Variants in SLC2A11 observed in about 807,000 individuals in gnomAD.
SLC2A11 encodes solute carrier family 2 member 11.
SLC2A11 carries 43 observed loss-of-function variants against 52.1 expected under a neutral mutation model. The observed-to-expected ratio is 0.82, with a 90% CI of 0.65 to 1.06. The LOEUF (loss-of-function observed/expected upper bound fraction) is 1.06. Among genes scored for constraint, SLC2A11 ranks in the 50% least tolerant of loss-of-function variants. The probability of loss-of-function intolerance (pLI) is 0.00; values close to 1 mark genes in which losing one functional copy is unlikely to be tolerated. For missense variants in SLC2A11, 582 were observed against 654.2 expected (o/e 0.89, Z 1.20); for synonymous variants, 261 against 277.6 (o/e 0.94, Z 0.59).
intron 1 of SLC2A11, among the ~76,000 whole-genome samples, chr22:23,860,830 T>A (rs1404026714): frequency 7.0e-6 from 1 of 142,336 alleles, no homozygotes. Context: ...TACAGACGCC[T>A]GCCAACACGC....
At chr22:23,882,426 A>T in intron 6 of SLC2A11, 33 bp from the exon 7 acceptor site, 1 of 1,482,032 alleles carries the variant, frequency 6.7e-7, no homozygotes, top group Non-Finnish European at 8.9e-7. Context: ...GGGCTTGGGG[A>T]CGGGGAGCTC....
chr22:23,879,281 G>A (rs1422220875), intron 6 of SLC2A11, among the ~76,000 whole-genome samples: 1 of 152,028 alleles, frequency 6.6e-6, no homozygotes, highest in Admixed American at 6.6e-5. Context: ...TTTTGTTTGG[G>A]ACAGGGTCTC....
chr22:23,881,401 G>A (rs2032789093), intron 6 of SLC2A11: 1 of 152,164 alleles, frequency 6.6e-6, no homozygotes, highest in Admixed American at 6.5e-5. Context: ...GCCTCTTAAG[G>A]CTTAGGCTGG....
intron 2 of SLC2A11, among the ~76,000 whole-genome samples, chr22:23,864,142 G>A (rs1398328988): frequency 6.6e-6 from 1 of 152,106 alleles, no homozygotes; most frequent in Non-Finnish European, 1.5e-5. Context: ...ATCTGGGCCA[G>A]GTGATCACCT....
At chr22:23,869,706 T>A (rs2032389088) in intron 3 of SLC2A11, 1 of 350,938 alleles carries the variant, frequency 2.8e-6, no homozygotes, top group Non-Finnish European at 5.1e-6. Context: ...ACAAAATAAC[T>A]GAGACTGGAT....
At chr22:23,870,324 C>T in intron 3 of SLC2A11, 1 of 414,370 alleles carries the variant, frequency 2.4e-6, no homozygotes, top group South Asian at 3.2e-5. Context: ...GTCTGTTCCC[C>T]TCCCCAGGAC....
rs547859844 is a variant in SLC2A11, at chr22:23,874,508, A to G, written c.291-609A>G. On this transcript the variant is annotated intron_variant, in intron 3 of 11. Transcript: ENST00000316185. ...CTCTTGTTGCCCAGGCTGGAGTGCAATGGCGCAATCTTGGCTCACCACAAC... is the reference window on the plus strand; with the variant it reads ...CTCTTGTTGCCCAGGCTGGAGTGCAGTGGCGCAATCTTGGCTCACCACAAC... Among the ~76,000 whole-genome samples the G allele has an allele frequency of 1.1e-4, 17 of 151,146 alleles. No homozygotes were observed. In the East Asian group the frequency reaches 1.4e-3, roughly 12 times the overall value.
intron 4 of SLC2A11, 67 bp downstream of exon 4, chr22:23,875,308 T>C (rs1311284390): frequency 3.1e-6 from 4 of 1,307,440 alleles, no homozygotes; most frequent in Admixed American, 3.1e-5. Flanking sequence ...TTAATTCCTT[T>C]TATTTCATTT....
intron 3 of SLC2A11, chr22:23,870,878 G>C (rs2032430782): frequency 6.6e-6 from 1 of 151,614 alleles, no homozygotes; most frequent in South Asian, 2.1e-4. Flanking sequence ...TTTTAGTAGA[G>C]ATGGGGTTTC....
chr22:23,882,925 C>A, intron 8 of SLC2A11, 56 bp downstream of exon 8: 1 of 1,468,980 alleles, frequency 6.8e-7, no homozygotes, highest in Non-Finnish European at 9.4e-7. Flanking sequence ...ACCCCCAGGT[C>A]CTCTGCATTA....
At chr22:23,883,646 C>A (rs2032902807) in intron 8 of SLC2A11, 126 bp from the exon 9 acceptor site, 4 of 717,904 alleles carry the variant, frequency 5.6e-6, no homozygotes, top group Non-Finnish European at 8.8e-6. Flanking sequence ...TTAATAAAGT[C>A]ACACTGAAGC....
rs148609125 is a variant in SLC2A11 at position 23,862,624 on chromosome 22, A to ATT, written c.129+422_129+423insTT. Among the ~76,000 whole-genome samples the ATT allele has an allele frequency of 4.7e-4, 71 of 151,452 alleles. 1 individual carries two copies. In the South Asian group the frequency reaches 7.1e-3, roughly 15 times the overall value. ...TCTTCAAGTCACTCCCCTGCTCAGA[A>ATT]ATTTTTTTTTTTTTTCGAGATGGAG... On this transcript the variant is annotated intron_variant, in intron 2 of 11. Coordinates refer to ENST00000316185, the MANE Select transcript of SLC2A11 (RefSeq NM_001024939.4).
upstream of SLC2A11, chr22:23,857,834 G>A (rs960208884): frequency 3.6e-5 from 53 of 1,492,418 alleles, no homozygotes; most frequent in African/African-American, 7.1e-4. Context: ...CGTCTCGACG[G>A]GTTTGCTCCT....
At chr22:23,880,675 T>A (rs1267422411) in intron 6 of SLC2A11, 1 of 152,156 alleles carries the variant, frequency 6.6e-6, no homozygotes, top group Middle Eastern at 3.2e-3. Flanking sequence ...GTTACTTAAT[T>A]TGGGATTCTT....
intron 1 of SLC2A11, among the ~76,000 whole-genome samples, chr22:23,859,493 T>G (rs1437231691): frequency 4.8e-4 from 4 of 8,306 alleles, no homozygotes; most frequent in Admixed American, 1.5e-3. Flanking sequence ...ACATTCAGCA[T>G]TTTTTTTTTT....
In SLC2A11 at chr22:23,875,252, G is replaced by T. The variant is rs750866851; in HGVS notation, c.415+11G>T. 7.1e-7 allele frequency: 1 copy of T among 1,416,342 alleles called. No homozygotes were observed. The highest frequency in any genetic ancestry group is 1.7e-5 in the South Asian group (1 of 58,290). 87.7% of individuals were successfully genotyped at this position (1,416,342 alleles called of 1,614,324 possible). A position where few individuals can be genotyped will look rare whatever the true frequency, so the allele number is the denominator to read the frequency against. On this transcript the variant is annotated intron_variant, in intron 4 of 11. Transcript: ENST00000316185. ...TGGGAGTCAATGCAGGTATGGGGTGGGGGCTTCTCATCCTGCCTCTCTATG... is the reference window on the plus strand; with the variant it reads ...TGGGAGTCAATGCAGGTATGGGGTGTGGGCTTCTCATCCTGCCTCTCTATG...
upstream of SLC2A11, chr22:23,857,071 TGTGGG>T (rs2031854867): frequency 2.0e-4 from 61 of 301,078 alleles, no homozygotes; most frequent in Admixed American, 2.6e-4. Context: ...AGTGTGTGTG[TGTGGG>T]GGGGGGGGGG....
chr22:23,863,414 T>C (rs1387730393), intron 2 of SLC2A11, among the ~76,000 whole-genome samples: 1 of 152,138 alleles, frequency 6.6e-6, no homozygotes, highest in Non-Finnish European at 1.5e-5. Context: ...TGAGTGTCTG[T>C]GGAAAGGATA....
At chr22:23,873,585 G>A (rs2032527299) in intron 3 of SLC2A11, among the ~76,000 whole-genome samples, 1 of 152,072 alleles carries the variant, frequency 6.6e-6, no homozygotes, top group African/African-American at 2.4e-5. Flanking sequence ...TGGGATTATA[G>A]GCGTGAGCTG....
Sources: gnomAD v4.1 joint callset for allele counts (sites outside exome capture counted in the v4.1 genomes callset) on GRCh38, gnomAD v4.1.1 for gene constraint, MANE v1.5 for transcripts, NCBI Gene and HGNC (gene_info 2026-07-23, HGNC 2026-07-21) for gene names.